The following RASGRP3 variants were observed in gnomAD, a reference collection of about 807,000 sequenced individuals.
RASGRP3 encodes the protein RAS guanyl releasing protein 3.
A neutral mutation model predicts 82.7 loss-of-function variants in RASGRP3; 54 were observed. The ratio of observed to expected loss-of-function variants is 0.65; its 90% CI spans 0.52 to 0.82. The LOEUF (loss-of-function observed/expected upper bound fraction) is 0.82, where lower values mean the gene tolerates loss of function less well. Among genes scored for constraint, RASGRP3 ranks in the 40% least tolerant of loss-of-function variants. RASGRP3 has a pLI of 0.00. For missense variants in RASGRP3, 861 were observed against 828.9 expected (o/e 1.04, Z -0.48); for synonymous variants, 309 against 300.5 (o/e 1.03, Z -0.29).
intron 1 of RASGRP3, among the ~76,000 whole-genome samples, chr2:33,510,675 C>G (rs1252430896): frequency 6.6e-6 from 1 of 152,196 alleles, no homozygotes; most frequent in Non-Finnish European, 1.5e-5. Context: ...TTTCCCTGAG[C>G]ACTCAGCGTT....
intron 1 of RASGRP3, among the ~76,000 whole-genome samples, chr2:33,510,036 AAT>A (rs1558462954): frequency 6.6e-6 from 1 of 152,262 alleles, no homozygotes; most frequent in African/African-American, 2.4e-5. Context: ...CTTTGGCATT[AAT>A]CTTTAAGACT....
intron 9 of RASGRP3, among the ~76,000 whole-genome samples, chr2:33,525,775 G>A (rs1672499736): frequency 6.6e-6 from 1 of 151,250 alleles, no homozygotes; most frequent in African/African-American, 2.4e-5. Context: ...TATTTGGGAG[G>A]CTGAGGTGGA....
intron 1 of RASGRP3, among the ~76,000 whole-genome samples, chr2:33,447,498 C>T (rs1384739849): frequency 6.6e-6 from 1 of 151,600 alleles, no homozygotes; most frequent in African/African-American, 2.4e-5. Context: ...TGCAGTGGTC[C>T]GATCTTGGCT....
chr2:33,447,623 G>A (rs976421435), intron 1 of RASGRP3, among the ~76,000 whole-genome samples: 38 of 152,102 alleles, frequency 2.5e-4, no homozygotes, highest in African/African-American at 8.7e-4. Context: ...TAGTAGAGAC[G>A]AGGTTTCACC....
intron 11 of RASGRP3, among the ~76,000 whole-genome samples, chr2:33,538,355 T>G (rs571616335): frequency 4.6e-5 from 7 of 152,038 alleles, no homozygotes; most frequent in African/African-American, 1.7e-4. Context: ...TTACAAAAAT[T>G]AGCTGGGCTT....
chr2:33,527,453 T>G (rs1672694070), intron 10 of RASGRP3, 41 bp downstream of exon 10: 1 of 1,556,408 alleles, frequency 6.4e-7, no homozygotes, highest in Non-Finnish European at 8.8e-7. Flanking sequence ...ATAATTCTTC[T>G]GCACCTTTCT....
In RASGRP3 at chr2:33,559,046, A is replaced by G; in HGVS notation, c.2064+16A>G. 6.4e-7 allele frequency: 1 copy of G among 1,555,452 alleles called. No individual in the cohort carries two copies. The highest frequency in any genetic ancestry group is 8.7e-7 in the Non-Finnish European group (1 of 1,154,266). On this transcript the variant is annotated intron_variant, in intron 17 of 17. Transcript: ENST00000403687. ...GGATGGTGAGGTAAGTGCTAGGTCA[A>G]CCCACAAAGAAAACCAGAAGAAGGA... is the stretch of plus-strand genomic sequence containing the variant.
intron 10 of RASGRP3, among the ~76,000 whole-genome samples, chr2:33,529,660 A>T (rs2151043074): frequency 6.6e-6 from 1 of 152,208 alleles, no homozygotes; most frequent in Admixed American, 6.5e-5. Flanking sequence ...TGGGTAGCAT[A>T]GTGTAGTGGC....
At position 33,529,487 on chromosome 2, in the gene RASGRP3, C is replaced by CAAAAA. The variant is rs56664748; in HGVS notation, c.1083+2084_1083+2088dup. On this transcript the variant is annotated intron_variant, in intron 10 of 17. Coordinates refer to ENST00000403687, the MANE Select transcript of RASGRP3 (RefSeq NM_001139488.2). ...TGGGCGACAGAGCGAGACTCCATCT[C>CAAAAA]AAAAAAAAAAAAATTCAGGAGTACA... Among the ~76,000 whole-genome samples the CAAAAA allele has an allele frequency of 1.6e-4, 9 of 57,030 alleles. 1 individual carries two copies. The highest frequency in any genetic ancestry group is 7.1e-4 in the Admixed American group (3 of 4,240). 37.4% of individuals were successfully genotyped at this position (57,030 alleles called of 152,430 possible). A position where few individuals can be genotyped will look rare whatever the true frequency, so the allele number is the denominator to read the frequency against.
chr2:33,467,639 G>A (rs916129631), intron 2 of RASGRP3, among the ~76,000 whole-genome samples: 3 of 152,208 alleles, frequency 2.0e-5, no homozygotes, highest in African/African-American at 4.8e-5. Context: ...CAGGTTTTGC[G>A]TCCCAACTTG....
intron 2 of RASGRP3, among the ~76,000 whole-genome samples, chr2:33,462,103 C>A (rs1298195479): frequency 1.3e-5 from 2 of 151,928 alleles, no homozygotes; most frequent in African/African-American, 4.8e-5. Flanking sequence ...GATTTGGTAT[C>A]AAATTAACAT....
At chr2:33,439,854 GC>G (rs1665127382) in intron 1 of RASGRP3, among the ~76,000 whole-genome samples, 1 of 152,176 alleles carries the variant, frequency 6.6e-6, no homozygotes, top group African/African-American at 2.4e-5. Flanking sequence ...AAGGGAAATG[GC>G]GTGCATAAGA....
chr2:33,537,331 CACA>C (rs1558501743), intron 11 of RASGRP3, among the ~76,000 whole-genome samples: 2 of 27,816 alleles, frequency 7.2e-5, no homozygotes, highest in South Asian at 6.7e-4. Context: ...CCGCCCCCCC[CACA>C]CACACACACA....
intron 1 of RASGRP3, among the ~76,000 whole-genome samples, chr2:33,487,816 A>C (rs1469308473): frequency 6.6e-6 from 1 of 152,150 alleles, no homozygotes; most frequent in Non-Finnish European, 1.5e-5. Flanking sequence ...GAAAGCCATT[A>C]ATGCCAGCCA....
chr2:33,543,664 C>G lies in RASGRP3; in HGVS notation c.1394+37C>G, dbSNP rs139985352. 1,675 of 1,367,000 alleles carry G rather than the reference C, an allele frequency of 1.2e-3. 34 individuals are homozygous for G. The Admixed American group carries it at 0.031, about 25-fold the overall frequency. The allele number at this position is 1,367,000 out of a possible 1,614,324, so 84.7% of individuals were successfully genotyped here. The stretch of plus-strand genomic sequence containing the variant: ...TTTTGTTTTATTTTAATGCAACTAT[C>G]CTAAAGCAGAAAATTATTATCAGAG... On this transcript the variant is annotated intron_variant, in intron 13 of 17. Coordinates refer to ENST00000403687, the MANE Select transcript of RASGRP3 (RefSeq NM_001139488.2).
intron 10 of RASGRP3, chr2:33,531,937 A>G (rs1673139779): frequency 6.6e-6 from 1 of 152,224 alleles, no homozygotes; most frequent in Non-Finnish European, 1.5e-5. Flanking sequence ...TGCTCCTCCA[A>G]GTCTGCACTA....
At chr2:33,547,946 C>A (rs1674963811) in intron 13 of RASGRP3, among the ~76,000 whole-genome samples, 1 of 152,044 alleles carries the variant, frequency 6.6e-6, no homozygotes, top group Non-Finnish European at 1.5e-5. Context: ...TGAGAAAAGG[C>A]CACTGAGGAT....
chr2:33,543,464 A>G (rs767194775), intron 12 of RASGRP3, 48 bp from the exon 13 acceptor site: 2 of 1,233,080 alleles, frequency 1.6e-6, no homozygotes, highest in South Asian at 2.7e-5. Flanking sequence ...TAACAAGTTC[A>G]GAGCCTGCCT....
chr2:33,555,593 T>A (rs571272904), intron 15 of RASGRP3, 26 bp downstream of exon 15: 1 of 1,544,702 alleles, frequency 6.5e-7, no homozygotes, highest in Non-Finnish European at 8.9e-7. Flanking sequence ...TTTGTTACAA[T>A]TTTTAAAATG....
Sources: gnomAD v4.1 joint callset for allele counts (sites outside exome capture counted in the v4.1 genomes callset) on GRCh38, gnomAD v4.1.1 for gene constraint, MANE v1.5 for transcripts, NCBI Gene and HGNC (gene_info 2026-07-23, HGNC 2026-07-21) for gene names.